Variants in PTDSS2 observed in about 807,000 individuals in gnomAD.
The protein encoded by PTDSS2 is phosphatidylserine synthase 2, also known as PSS-2.
In PTDSS2, 41 loss-of-function variants were observed where a neutral mutation model predicts 64.7. The observed-to-expected ratio is 0.63, with a 90% CI of 0.49 to 0.82. The LOEUF is 0.82. PTDSS2 is among the 40% of genes least tolerant of loss of function. The pLI is 0.00. For missense variants in PTDSS2, 485 were observed against 650.0 expected, an observed-to-expected ratio of 0.75 and a Z score of 2.76; for synonymous variants, 297 against 277.8, an observed-to-expected ratio of 1.07 and a Z score of -0.69.
At chr11:487,112 G>T (rs372268804) in intron 5 of PTDSS2, 39 bp downstream of exon 5, 5 of 1,581,554 alleles carry the variant, frequency 3.2e-6, no homozygotes, top group Non-Finnish European at 4.3e-6. Flanking sequence ...CCCTCCCCAG[G>T]TGTGGCCCCG....
intron 8 of PTDSS2, 106 bp from the exon 9 acceptor site, chr11:489,294 A>G: frequency 1.1e-6 from 1 of 915,706 alleles, no homozygotes; most frequent in Non-Finnish European, 1.7e-6. Context: ...AGCTCGTCCG[A>G]TGGCACAGGG....
At chr11:475,984 T>C (rs1481267835) in intron 3 of PTDSS2, among the ~76,000 whole-genome samples, 1 of 152,264 alleles carries the variant, frequency 6.6e-6, no homozygotes, top group East Asian at 1.9e-4. Flanking sequence ...ATATGTGTTA[T>C]AAAATTGGCC....
intron 8 of PTDSS2, among the ~76,000 whole-genome samples, 174 bp downstream of exon 8, chr11:488,821 C>A (rs1239537065): frequency 1.3e-5 from 2 of 152,204 alleles, no homozygotes; most frequent in Non-Finnish European, 2.9e-5. Flanking sequence ...CACTCAAGCC[C>A]GGCCGCCCCT....
chr11:479,364 G>A lies in PTDSS2; in HGVS notation c.435+212G>A, dbSNP rs542093249. ...GGCAGCAAAGCTAGACCTTCAAAAC[G>A]TAGGCCGAGCTGCGGGGGGCCTCCA... On this transcript the variant is annotated intron_variant, in intron 4 of 11. Transcript: ENST00000308020. This position sits in a 1 kb window ranked among gnomAD's most constrained non-coding sequence, Gnocchi z 4.2. The A allele has an allele frequency of 1.6e-5, 10 of 611,108 alleles. No homozygotes were observed. Among genetic ancestry groups the A allele is most frequent in the South Asian group, 7.6e-5 (4 of 52,468 alleles). 37.9% of individuals were successfully genotyped at this position (611,108 alleles called of 1,614,324 possible).
rs1226948009 is a variant in PTDSS2, at chr11:491,163, C to G, written c.*581C>G. Reference sequence around the variant, plus strand: ...CCACAAACACTCCGTGGCTGAGAGGCAGCGGATCCAGGCAGCGATGCTGAG... The same window carrying G: ...CCACAAACACTCCGTGGCTGAGAGGGAGCGGATCCAGGCAGCGATGCTGAG... On this transcript the variant is annotated 3_prime_UTR_variant, in exon 12 of 12. Transcript: ENST00000308020. 4 of 155,206 alleles carry G rather than the reference C, an allele frequency of 2.6e-5. No homozygotes were observed. The highest frequency in any genetic ancestry group is 1.2e-4 in the Admixed American group (2 of 16,016). The allele number at this position is 155,206 out of a possible 1,614,324, so 9.6% of individuals were successfully genotyped here. A position where few individuals can be genotyped will look rare whatever the true frequency, so the allele number is the denominator to read the frequency against.
chr11:465,657 G>A (rs1310768744), intron 2 of PTDSS2, among the ~76,000 whole-genome samples: 1 of 152,020 alleles, frequency 6.6e-6, no homozygotes, highest in Non-Finnish European at 1.5e-5. Flanking sequence ...GGGTGTGGTG[G>A]TTCATGCCCT....
Position 490,678 on chromosome 11 carries a change from C to T in PTDSS2, c.*96C>T. 1 of 1,344,228 alleles carries T rather than the reference C, an allele frequency of 7.4e-7. No individual in the cohort carries two copies. The highest frequency in any genetic ancestry group is 1.5e-5 in the South Asian group (1 of 67,558). The allele number at this position is 1,344,228 out of a possible 1,614,324, so 83.3% of individuals were successfully genotyped here. On this transcript the variant is annotated 3_prime_UTR_variant, in exon 12 of 12. Coordinates refer to ENST00000308020, the MANE Select transcript of PTDSS2 (RefSeq NM_030783.3). ...CCAGGAGCCACGTGCCCGGCCTTGC[C>T]CTCAAGGTTTTTTGCTTTTCTCCTG...
chr11:466,189 C>T (rs904150907), intron 2 of PTDSS2, among the ~76,000 whole-genome samples: 1 of 152,112 alleles, frequency 6.6e-6, no homozygotes, highest in Admixed American at 6.5e-5. Flanking sequence ...GCCTGTGTAA[C>T]ATGGTCTATT....
In PTDSS2 at chr11:489,887, C is replaced by G; in HGVS notation, c.1120C>G (p.Pro374Ala). 1 of 1,585,920 alleles carries G rather than the reference C, an allele frequency of 6.3e-7. No homozygotes were observed. The highest frequency in any genetic ancestry group is 8.6e-7 in the Non-Finnish European group (1 of 1,168,546). ...AACCCCCTGCTGCCCCTGCAGGAAGCCCCACAAGAAGCTGGGCCCGCAGGC... is the reference window on the plus strand; with the variant it reads ...AACCCCCTGCTGCCCCTGCAGGAAGGCCCACAAGAAGCTGGGCCCGCAGGC... ...EIYDFMDDPK[P>A]HKKLGPQAWL... Residue 374 changes from proline (P) to alanine (A), a missense_variant, in exon 11 of 12, where the codon CCC becomes GCC. Pro to Ala is a conservative substitution (Grantham distance 27, BLOSUM62 -1). Coordinates refer to ENST00000308020, the MANE Select transcript of PTDSS2 (RefSeq NM_030783.3).
At chr11:472,576 G>C (rs7394670) in intron 2 of PTDSS2, among the ~76,000 whole-genome samples, 144,703 of 152,218 alleles carry the variant, frequency 0.95, 68,843 homozygotes, top group East Asian at 1. Context: ...CTGCCCAGAA[G>C]CAGTAGACCC....
rs756296486 is a variant in PTDSS2 at position 461,211 on chromosome 11, G to A, written c.284+923G>A. ...CTTCATTTTGTAAAGCAAGAGTCTC[G>A]CTATCTTCGTGACTGTTGGGTGGGG... is the stretch of plus-strand genomic sequence containing the variant. On this transcript the variant is annotated intron_variant, in intron 2 of 11. Coordinates refer to ENST00000308020, the MANE Select transcript of PTDSS2 (RefSeq NM_030783.3). The surrounding 1 kb of genome is among the most constrained non-coding windows in gnomAD (Gnocchi z 4.2). 2.0e-5 allele frequency among the ~76,000 whole-genome samples: 3 copies of A among 152,142 alleles called. No homozygotes were observed. Among genetic ancestry groups the A allele is most frequent in the African/African-American group, 4.8e-5 (2 of 41,438 alleles).
chr11:478,768 C>T (rs1847928903), intron 3 of PTDSS2, among the ~76,000 whole-genome samples: 1 of 152,168 alleles, frequency 6.6e-6, no homozygotes, highest in African/African-American at 2.4e-5. Flanking sequence ...AAACCTACTC[C>T]AAACTTAACG....
rs176938 is a variant in PTDSS2 at position 471,688 on chromosome 11, G to T, written c.285-2207G>T. ...TGGATGGCGGCCTGGGGTGACGCGCGCCTGTCGGGCGGATGGTGGCCTGGG... is the reference window on the plus strand; with the variant it reads ...TGGATGGCGGCCTGGGGTGACGCGCTCCTGTCGGGCGGATGGTGGCCTGGG... On this transcript the variant is annotated intron_variant, in intron 2 of 11. Transcript: ENST00000308020. Among the ~76,000 whole-genome samples, 173 of 129,632 alleles carry T rather than the reference G, an allele frequency of 1.3e-3. 1 individual carries two copies. Among genetic ancestry groups the T allele is most frequent in the Middle Eastern group, 5.2e-3 (1 of 194 alleles). The allele number at this position is 129,632 out of a possible 152,430, so 85.0% of individuals were successfully genotyped here.
intron 1 of PTDSS2, among the ~76,000 whole-genome samples, chr11:453,757 C>T (rs1228713191): frequency 1.3e-5 from 2 of 152,208 alleles, no homozygotes; most frequent in East Asian, 1.9e-4. Flanking sequence ...GCCCTTTGGA[C>T]GACGACGCCG....
chr11:450,462 A>G lies in PTDSS2; in HGVS notation c.7A>G (p.Arg3Gly). The G allele has an allele frequency of 1.6e-6, 2 of 1,228,808 alleles. No homozygotes were observed. The highest frequency in any genetic ancestry group is 3.2e-4 in the Middle Eastern group (1 of 3,168). 76.1% of individuals were successfully genotyped at this position (1,228,808 alleles called of 1,614,324 possible). A position where few individuals can be genotyped will look rare whatever the true frequency, so the allele number is the denominator to read the frequency against. Reference protein sequence around the residue: MRRGERRDAGGPR... With the variant: MRGGERRDAGGPR... ...GGCTCCGGGCCGAAACGCCATGCGG[A>G]GGGGCGAGCGCAGGGACGCCGGAGG... Residue 3 changes from arginine (R) to glycine (G), a missense_variant, in exon 1 of 12, where the codon AGG becomes GGG. Transcript: ENST00000308020.
At chr11:482,371 T>C (rs1370770291) in intron 4 of PTDSS2, among the ~76,000 whole-genome samples, 1 of 152,276 alleles carries the variant, frequency 6.6e-6, no homozygotes, top group South Asian at 2.1e-4. Flanking sequence ...TACAGGAACA[T>C]GCTACCACAC....
At chr11:472,136 G>A (rs1336207420) in intron 2 of PTDSS2, among the ~76,000 whole-genome samples, 3 of 152,240 alleles carry the variant, frequency 2.0e-5, no homozygotes, top group South Asian at 2.1e-4. Flanking sequence ...GGTGACGTGC[G>A]CCTGCACCGG....
chr11:451,382 C>A (rs1159315518), intron 1 of PTDSS2: 1 of 447,180 alleles, frequency 2.2e-6, no homozygotes, highest in Middle Eastern at 3.3e-4. Context: ...CTACTCCCGA[C>A]AGCTGCGACC....
intron 4 of PTDSS2, among the ~76,000 whole-genome samples, chr11:481,977 G>A (rs1284495447): frequency 6.6e-6 from 1 of 151,096 alleles, no homozygotes; most frequent in African/African-American, 2.4e-5. Context: ...CGAGTAGCTG[G>A]GATTACAGGC....
Sources: gnomAD v4.1 joint callset for allele counts (sites outside exome capture counted in the v4.1 genomes callset) on GRCh38, gnomAD v4.1.1 for gene constraint, Gnocchi (gnomAD v3.1) non-coding constraint, MANE v1.5 for transcripts, NCBI Gene and HGNC (gene_info 2026-07-23, HGNC 2026-07-21) for gene names.